The following LARP1 variants were observed in gnomAD, a reference collection of about 807,000 sequenced individuals.
The protein encoded by LARP1 is la-related protein 1.
Under a neutral mutation model 122.7 loss-of-function variants are expected in LARP1, and 36 were observed. That is an observed-to-expected ratio of 0.29 (90% CI 0.22 to 0.39). LARP1 has a LOEUF of 0.39. Among genes scored for constraint, LARP1 ranks in the 10% least tolerant of loss-of-function variants. LARP1 has a pLI of 1.00. For missense variants in LARP1, 1,040 were observed against 1,403.6 expected (o/e 0.74, Z 4.14); for synonymous variants, 539 against 528.7 (o/e 1.02, Z -0.27).
chr5:154,810,143 A>T (rs535132412), intron 16 of LARP1, among the ~76,000 whole-genome samples: 2 of 151,984 alleles, frequency 1.3e-5, no homozygotes, highest in African/African-American at 2.4e-5. Flanking sequence ...ATCTGTTAAG[A>T]TCTAAATCTG....
upstream of LARP1, among the ~76,000 whole-genome samples, chr5:154,753,316 C>T (rs960135074): frequency 2.0e-5 from 3 of 152,148 alleles, no homozygotes; most frequent in African/African-American, 4.8e-5. Context: ...CATGGTGGCA[C>T]GTGCCAGTGG....
rs879844909 is a variant in LARP1 at position 154,755,719 on chromosome 5, T to C, written c.-39T>C. ...CAAGTTCGAGGCGGGGGAGGCAGCC[T>C]CGGGCGCGCCCGGCTTCTCCGGGGG... On this transcript the variant is annotated 5_prime_UTR_variant, in exon 1 of 19. Transcript: ENST00000518297. The C allele has an allele frequency of 1.6e-4, 162 of 986,910 alleles. No individual in the cohort carries two copies. Among genetic ancestry groups the C allele is most frequent in the Non-Finnish European group, 1.9e-4 (157 of 830,236 alleles). 61.1% of individuals were successfully genotyped at this position (986,910 alleles called of 1,614,324 possible). A position where few individuals can be genotyped will look rare whatever the true frequency, so the allele number is the denominator to read the frequency against.
intron 1 of LARP1, among the ~76,000 whole-genome samples, chr5:154,721,589 A>G (rs1755874408): frequency 6.6e-6 from 1 of 152,176 alleles, no homozygotes; most frequent in Admixed American, 6.5e-5. Context: ...TCTTCCTGCC[A>G]GCCACTGCAG....
intron 1 of LARP1, among the ~76,000 whole-genome samples, chr5:154,774,812 G>T (rs182464831): frequency 1.3e-5 from 2 of 152,144 alleles, no homozygotes; most frequent in Admixed American, 6.6e-5. Context: ...CTAAGAAGCC[G>T]TCTGGTCACT....
At chr5:154,695,243 C>T (rs113177623) in intron 1 of LARP1, among the ~76,000 whole-genome samples, 6,146 of 151,754 alleles carry the variant, frequency 0.04, 410 homozygotes, top group African/African-American at 0.14. Context: ...ACCTGGGAGG[C>T]GGAGCTTGCA....
intron 16 of LARP1, among the ~76,000 whole-genome samples, chr5:154,809,317 T>TA (rs78404073): frequency 0.013 from 1,779 of 137,918 alleles, 10 homozygotes; most frequent in Non-Finnish European, 0.017. Flanking sequence ...CTGTTTCTAT[T>TA]AAAAAAAAAA....
At chr5:154,690,122 C>A (rs1219821344) in intron 1 of LARP1, among the ~76,000 whole-genome samples, 1 of 151,848 alleles carries the variant, frequency 6.6e-6, no homozygotes, top group Admixed American at 6.6e-5. Context: ...GAAGGCAGGA[C>A]TACACACCTC....
intron 1 of LARP1, among the ~76,000 whole-genome samples, chr5:154,727,874 C>G (rs957661669): frequency 2.6e-5 from 4 of 152,086 alleles, no homozygotes; most frequent in African/African-American, 4.8e-5. Context: ...TTGAGACCAG[C>G]CTGACCAACA....
At chr5:154,698,417 T>C (rs751435332) in intron 1 of LARP1, among the ~76,000 whole-genome samples, 15 of 151,996 alleles carry the variant, frequency 9.9e-5, no homozygotes, top group Non-Finnish European at 1.9e-4. Context: ...GCCAACATGG[T>C]GAAACACTGT....
At chr5:154,700,438 G>C (rs1482686080) in intron 1 of LARP1, among the ~76,000 whole-genome samples, 2 of 152,086 alleles carry the variant, frequency 1.3e-5, no homozygotes, top group East Asian at 3.9e-4. Context: ...AGGCTGAGGT[G>C]GGAGGATCAC....
At chr5:154,805,770 A>G in intron 14 of LARP1, 111 bp from the exon 15 acceptor site, 1 of 1,146,784 alleles carries the variant, frequency 8.7e-7, no homozygotes, top group Non-Finnish European at 1.2e-6. Context: ...CTTGTTTGAT[A>G]CCCTGTGAGA....
chr5:154,733,440 C>G (rs541391987), intron 1 of LARP1, among the ~76,000 whole-genome samples: 1 of 152,358 alleles, frequency 6.6e-6, no homozygotes, highest in African/African-American at 2.4e-5. Context: ...AGTGATCTTC[C>G]TGCCTCAGCC....
chr5:154,735,577 A>ATTTT lies in LARP1; in HGVS notation c.205+22450_205+22453dup, dbSNP rs1554081522. On this transcript the variant is annotated intron_variant, in intron 1 of 18. Coordinates refer to the LARP1 transcript ENST00000336314. ...TATTTATTTATTTATTTATTTATTT[A>ATTTT]TTTTTTCTGAGATGGAGTTTCGCTC... Among the ~76,000 whole-genome samples, 5 of 148,512 alleles carry ATTTT rather than the reference A, an allele frequency of 3.4e-5. No individual in the cohort carries two copies. In the South Asian group the frequency reaches 6.3e-4, roughly 19 times the overall value.
intron 1 of LARP1, among the ~76,000 whole-genome samples, chr5:154,789,482 A>T (rs910350126): frequency 6.6e-6 from 1 of 152,020 alleles, no homozygotes. Context: ...TGGCCCCCCA[A>T]AGTGCTGGGA....
chr5:154,732,057 T>C (rs1204179785), intron 1 of LARP1, among the ~76,000 whole-genome samples: 2 of 150,540 alleles, frequency 1.3e-5, no homozygotes, highest in Non-Finnish European at 2.9e-5. Flanking sequence ...GTGGTGGTAC[T>C]TGGGAGGCTG....
chr5:154,738,727 T>C (rs575182897), intron 1 of LARP1, among the ~76,000 whole-genome samples: 1 of 152,160 alleles, frequency 6.6e-6, no homozygotes, highest in African/African-American at 2.4e-5. Context: ...GACCCCCTTA[T>C]GAGATAGGAC....
At chr5:154,735,796 C>T (rs1756862732) in intron 1 of LARP1, among the ~76,000 whole-genome samples, 1 of 151,220 alleles carries the variant, frequency 6.6e-6, no homozygotes, top group African/African-American at 2.4e-5. Context: ...GTCTCAAACT[C>T]CTGACCTCAG....
intron 1 of LARP1, among the ~76,000 whole-genome samples, chr5:154,783,882 C>T (rs180702720): frequency 3.9e-5 from 6 of 152,126 alleles, no homozygotes; most frequent in Admixed American, 3.3e-4. Context: ...ACCTGTAGAC[C>T]CAATATTAGT....
At chr5:154,756,853 TAAG>T (rs951766203) in intron 1 of LARP1, among the ~76,000 whole-genome samples, 1 of 151,808 alleles carries the variant, frequency 6.6e-6, no homozygotes, top group Non-Finnish European at 1.5e-5. Flanking sequence ...CCTTCCGCCT[TAAG>T]AAGGAGCCCG....
Sources: gnomAD v4.1 joint callset for allele counts (sites outside exome capture counted in the v4.1 genomes callset) on GRCh38, gnomAD v4.1.1 for gene constraint, MANE v1.5 for transcripts, NCBI Gene and HGNC (gene_info 2026-07-23, HGNC 2026-07-21) for gene names.